Variants in TAF1B observed in about 807,000 individuals in gnomAD.
TAF1B encodes the protein TATA box-binding protein-associated factor RNA polymerase I subunit B.
A neutral mutation model predicts 83.9 loss-of-function variants in TAF1B; 61 were observed. The ratio of observed to expected loss-of-function variants is 0.73; its 90% CI spans 0.59 to 0.90. TAF1B has a LOEUF of 0.90. Ranked by LOEUF, TAF1B falls within the 40% of genes least tolerant of loss-of-function variation. The pLI, the probability that TAF1B is intolerant of heterozygous loss-of-function variation, is 0.00. For missense variants in TAF1B, 625 were observed against 677.0 expected, an observed-to-expected ratio of 0.92 and a Z score of 0.85; for synonymous variants, 221 against 224.6, an observed-to-expected ratio of 0.98 and a Z score of 0.14.
At position 9,907,846 on chromosome 2, in the gene TAF1B, G is replaced by C. The variant is rs186562327; in HGVS notation, c.955+2840G>C. ...TAGGGCAGTTCAGGGACACTCAGCT[G>C]GTAGATGGCAGAGTAGATTCCTACA... On this transcript the variant is annotated intron_variant, in intron 9 of 14. Transcript: ENST00000263663. Among the ~76,000 whole-genome samples, 11 of 152,010 alleles carry C rather than the reference G, an allele frequency of 7.2e-5. No individual in the cohort carries two copies. The East Asian group carries it at 2.1e-3, about 29-fold the overall frequency.
At chr2:9,894,028 TAG>T (rs1484068964) in intron 8 of TAF1B, among the ~76,000 whole-genome samples, 3 of 152,104 alleles carry the variant, frequency 2.0e-5, no homozygotes, top group Admixed American at 1.3e-4. Context: ...AAGAGAGGAG[TAG>T]AAGACAGTAT....
rs186506722 is a variant in TAF1B at position 9,882,750 on chromosome 2, A to G, written c.752A>G (p.His251Arg). The change falls in exon 8 of 15, where the codon CAT becomes CGT. Residue 251 changes from histidine (H) to arginine (R), a missense_variant. Coordinates refer to ENST00000263663, the MANE Select transcript of TAF1B (RefSeq NM_005680.3). Reference sequence around the variant, plus strand: ...ATTCCTTACATAAATGCTTTTCAGCATTTTCCAGAACAGATGAAATTATAT... The same window carrying G: ...ATTCCTTACATAAATGCTTTTCAGCGTTTTCCAGAACAGATGAAATTATAT... ...DHIPYINAFQ[H>R]FPEQMKLYGR... The G allele has an allele frequency of 1.1e-5, 17 of 1,611,594 alleles. No individual in the cohort carries two copies. The Admixed American group carries it at 1.7e-4, about 16-fold the overall frequency.
intron 12 of TAF1B, among the ~76,000 whole-genome samples, chr2:9,915,417 T>G (rs1423543822): frequency 6.6e-6 from 1 of 152,180 alleles, no homozygotes; most frequent in African/African-American, 2.4e-5. Flanking sequence ...AAGATTTGTA[T>G]CTAGAGTATA....
intron 8 of TAF1B, among the ~76,000 whole-genome samples, chr2:9,886,165 TTCC>T (rs765653502): frequency 6.6e-6 from 1 of 152,134 alleles, no homozygotes; most frequent in Non-Finnish European, 1.5e-5. Context: ...GGAAAAACTT[TTCC>T]CGCAAGATAG....
chr2:9,868,687 G>A (rs941550986), intron 6 of TAF1B: 1 of 605,800 alleles, frequency 1.7e-6, no homozygotes, highest in Non-Finnish European at 3.2e-6. Flanking sequence ...AGTGGATCCA[G>A]AAAGAAGGAG....
rs539607788 is a variant in TAF1B at position 9,906,965 on chromosome 2, A to G, written c.955+1959A>G. ...TGATTGTAGCTTATTACAACCTTGA[A>G]CTCCTGGGCTCCAGTGATCCTCCCA... On this transcript the variant is annotated intron_variant, in intron 9 of 14. Transcript: ENST00000263663. Among the ~76,000 whole-genome samples the G allele has an allele frequency of 2.0e-4, 31 of 151,846 alleles. 1 individual carries two copies. The South Asian group carries it at 6.5e-3, about 32-fold the overall frequency.
intron 8 of TAF1B, among the ~76,000 whole-genome samples, chr2:9,890,778 AT>A (rs957561435): frequency 6.6e-6 from 1 of 151,724 alleles, no homozygotes; most frequent in African/African-American, 2.4e-5. Flanking sequence ...CTCTTATTTT[AT>A]TTTTTTTGGG....
intron 8 of TAF1B, among the ~76,000 whole-genome samples, chr2:9,896,923 C>T (rs1212774819): frequency 6.6e-6 from 1 of 152,200 alleles, no homozygotes; most frequent in Admixed American, 6.5e-5. Context: ...TTCCAGCCAT[C>T]TCCTTTTTCT....
chr2:9,903,138 TGCAGTGGC>T (rs777171420), intron 8 of TAF1B, among the ~76,000 whole-genome samples: 5 of 152,152 alleles, frequency 3.3e-5, no homozygotes, highest in Non-Finnish European at 5.9e-5. Flanking sequence ...CAGGCTGGAG[TGCAGTGGC>T]GCAGTCTCGG....
Position 9,933,167 on chromosome 2 carries a change from C to T in TAF1B, c.1566-616C>T, listed in dbSNP as rs11895989. 4.0e-3 allele frequency among the ~76,000 whole-genome samples: 613 copies of T among 152,326 alleles called. 5 individuals are homozygous for T. The highest frequency in any genetic ancestry group is 0.014 in the African/African-American group (583 of 41,576). On this transcript the variant is annotated intron_variant, in intron 14 of 14. Transcript: ENST00000263663. ...CGGCTCACCCTCCGTGGGCTGCACC[C>T]ACTGTGCAGCCAGTCCCAGTGAGAT... is the stretch of plus-strand genomic sequence containing the variant.
At chr2:9,907,659 C>T (rs1003689205) in intron 9 of TAF1B, among the ~76,000 whole-genome samples, 5 of 152,092 alleles carry the variant, frequency 3.3e-5, no homozygotes, top group African/African-American at 1.2e-4. Flanking sequence ...TTGTCACCCA[C>T]GAGCCTGCTG....
chr2:9,846,956 G>A (rs1663224703), intron 2 of TAF1B, among the ~76,000 whole-genome samples: 2 of 152,206 alleles, frequency 1.3e-5, no homozygotes, highest in Admixed American at 1.3e-4. Flanking sequence ...TTGTACTATA[G>A]TGCAGGTGTA....
At chr2:9,892,683 T>C (rs989957631) in intron 8 of TAF1B, among the ~76,000 whole-genome samples, 1 of 152,224 alleles carries the variant, frequency 6.6e-6, no homozygotes, top group Non-Finnish European at 1.5e-5. Flanking sequence ...CATCCATCGA[T>C]GGACACTTAG....
At chr2:9,909,354 A>T (rs1485223681) in intron 9 of TAF1B, among the ~76,000 whole-genome samples, 1 of 152,220 alleles carries the variant, frequency 6.6e-6, no homozygotes, top group African/African-American at 2.4e-5. Context: ...CTGTGGTATC[A>T]TGTCTGTTCT....
chr2:9,871,504 T>C (rs879773506), intron 6 of TAF1B, among the ~76,000 whole-genome samples: 7 of 152,208 alleles, frequency 4.6e-5, no homozygotes, highest in Non-Finnish European at 5.9e-5. Context: ...CATCTTTTAT[T>C]TCACAGAGAA....
chr2:9,853,761 G>T (rs762372917), intron 4 of TAF1B, among the ~76,000 whole-genome samples: 1 of 152,002 alleles, frequency 6.6e-6, no homozygotes, highest in African/African-American at 2.4e-5. Context: ...GTGCCCAGCC[G>T]GAAAAGTTTT....
intron 11 of TAF1B, among the ~76,000 whole-genome samples, chr2:9,912,003 A>G (rs557602346): frequency 6.6e-6 from 1 of 152,278 alleles, no homozygotes; most frequent in Admixed American, 6.5e-5. Context: ...TGGTCTTCAC[A>G]CCTATCCACT....
intron 12 of TAF1B, among the ~76,000 whole-genome samples, chr2:9,915,616 A>G (rs1665659295): frequency 6.6e-6 from 1 of 152,218 alleles, no homozygotes; most frequent in African/African-American, 2.4e-5. Context: ...TCAAAACAAA[A>G]CAAAAACAAA....
intron 6 of TAF1B, among the ~76,000 whole-genome samples, chr2:9,875,552 C>T (rs1020399634): frequency 2.6e-5 from 4 of 152,218 alleles, no homozygotes; most frequent in African/African-American, 7.2e-5. Context: ...AGCAAAGGCA[C>T]GTCTTACATG....
Sources: allele counts gnomAD v4.1 joint callset (sites outside exome capture counted in the v4.1 genomes callset), GRCh38; gene constraint gnomAD v4.1.1; transcripts MANE v1.5; gene names NCBI Gene and HGNC (gene_info 2026-07-23, HGNC 2026-07-21).